The following APBB2 variants were observed in gnomAD, a reference collection of about 807,000 sequenced individuals.
APBB2 encodes Fe65-like 1.
A neutral mutation model predicts 82.5 loss-of-function variants in APBB2; 38 were observed. That is an observed-to-expected ratio of 0.46 (90% CI 0.36 to 0.60). The LOEUF (loss-of-function observed/expected upper bound fraction) is 0.60, where lower values mean the gene tolerates loss of function less well. APBB2 is among the 20% of genes least tolerant of loss of function. The probability of loss-of-function intolerance (pLI) is 0.00; values close to 1 mark genes in which losing one functional copy is unlikely to be tolerated. For missense variants in APBB2, 772 were observed against 972.3 expected (o/e 0.79, Z 2.74); for synonymous variants, 341 against 368.2 (o/e 0.93, Z 0.85).
chr4:40,869,135 T>C (rs913105086), intron 12 of APBB2, among the ~76,000 whole-genome samples: 1 of 152,138 alleles, frequency 6.6e-6, no homozygotes, highest in Non-Finnish European at 1.5e-5. Flanking sequence ...TTCAAGTGAT[T>C]CTCCTGCCTC....
intron 1 of APBB2, among the ~76,000 whole-genome samples, chr4:41,209,647 G>A (rs138173554): frequency 6.6e-6 from 1 of 152,320 alleles, no homozygotes; most frequent in Admixed American, 6.5e-5. Flanking sequence ...CTATCTGTGT[G>A]CTCAAGAGCA....
At chr4:41,168,170 G>C (rs1767196829) in intron 1 of APBB2, among the ~76,000 whole-genome samples, 1 of 151,660 alleles carries the variant, frequency 6.6e-6, no homozygotes, top group African/African-American at 2.4e-5. Context: ...TCGGGAGGCT[G>C]AGGCAGGAGA....
chr4:41,149,478 G>A lies in APBB2; in HGVS notation c.-416-6336C>T, dbSNP rs12503863. Among the ~76,000 whole-genome samples, 1,164 of 151,866 alleles carry A rather than the reference G, an allele frequency of 7.7e-3. 33 individuals carry two copies. In the East Asian group the frequency reaches 0.11, roughly 14 times the overall value. ...ATGCAGGGGAAAGGGCTGAGGAAAGGGGGGAGAAAGAAGGAGAAGGGAAGG... is the reference window on the plus strand; with the variant it reads ...ATGCAGGGGAAAGGGCTGAGGAAAGAGGGGAGAAAGAAGGAGAAGGGAAGG... On this transcript the variant is annotated intron_variant, in intron 1 of 17. Coordinates refer to ENST00000508593, the MANE Select transcript of APBB2 (RefSeq NM_004307.2).
intron 5 of APBB2, among the ~76,000 whole-genome samples, chr4:41,027,372 T>C (rs1378217744): frequency 2.0e-3 from 54 of 27,496 alleles, no homozygotes; most frequent in African/African-American, 8.9e-3. Flanking sequence ...TACATATATA[T>C]ATATATATAT....
chr4:40,969,081 C>A (rs2154397332), intron 6 of APBB2, among the ~76,000 whole-genome samples: 1 of 152,362 alleles, frequency 6.6e-6, no homozygotes, highest in African/African-American at 2.4e-5. Context: ...CCACATGGAA[C>A]TGTGAGTCCA....
intron 7 of APBB2, among the ~76,000 whole-genome samples, chr4:40,941,852 C>T (rs1311998232): frequency 6.6e-6 from 1 of 151,916 alleles, no homozygotes; most frequent in Non-Finnish European, 1.5e-5. Context: ...GTCCAGGCTG[C>T]TCCTCAACTC....
chr4:41,034,818 G>A (rs1379415037), intron 4 of APBB2, among the ~76,000 whole-genome samples: 1 of 152,216 alleles, frequency 6.6e-6, no homozygotes, highest in East Asian at 1.9e-4. Flanking sequence ...ATACTGGTAA[G>A]CTGCCAGTTT....
intron 2 of APBB2, among the ~76,000 whole-genome samples, chr4:41,142,735 T>C (rs1443711973): frequency 1.3e-5 from 2 of 151,960 alleles, no homozygotes; most frequent in African/African-American, 4.8e-5. Flanking sequence ...CTCTCTTCTC[T>C]GAGAGAGGAG....
At chr4:41,093,681 C>T (rs1742543006) in intron 3 of APBB2, among the ~76,000 whole-genome samples, 1 of 152,066 alleles carries the variant, frequency 6.6e-6, no homozygotes, top group African/African-American at 2.4e-5. Flanking sequence ...TGGAGAAACC[C>T]CCACTTCTAC....
chr4:40,995,318 T>C (rs994213813), intron 6 of APBB2, among the ~76,000 whole-genome samples: 7 of 152,120 alleles, frequency 4.6e-5, no homozygotes, highest in Admixed American at 2.0e-4. Context: ...TTGGCTCCAG[T>C]GTTTCTTATT....
chr4:40,895,182 GAAAA>G (rs943705899), intron 10 of APBB2, among the ~76,000 whole-genome samples: 3 of 148,972 alleles, frequency 2.0e-5, no homozygotes, highest in Admixed American at 2.0e-4. Flanking sequence ...TGTCAAAGGG[GAAAA>G]AAAAAACTCA....
chr4:40,880,406 C>T (rs75492733), intron 12 of APBB2: 10,894 of 985,392 alleles, frequency 0.011, 60 homozygotes, highest in Middle Eastern at 0.012. Context: ...GGTGACAACT[C>T]GTGTATGAAA....
intron 12 of APBB2, among the ~76,000 whole-genome samples, chr4:40,877,161 A>G (rs1767134865): frequency 6.6e-6 from 1 of 152,246 alleles, no homozygotes; most frequent in African/African-American, 2.4e-5. Context: ...GGGAGAATAA[A>G]TAGAAAGAAC....
chr4:40,904,058 A>G (rs1578314971), intron 10 of APBB2, among the ~76,000 whole-genome samples: 1 of 152,090 alleles, frequency 6.6e-6, no homozygotes, highest in Admixed American at 6.5e-5. Flanking sequence ...TCTCCTAGTT[A>G]CTGTAGCCAG....
At chr4:40,967,561 G>A (rs1263302934) in intron 6 of APBB2, among the ~76,000 whole-genome samples, 1 of 152,194 alleles carries the variant, frequency 6.6e-6, no homozygotes, top group Non-Finnish European at 1.5e-5. Context: ...CTCACAGGGA[G>A]CCAGTACCCA....
At chr4:40,898,329 C>T (rs996257641) in intron 10 of APBB2, among the ~76,000 whole-genome samples, 2 of 152,114 alleles carry the variant, frequency 1.3e-5, no homozygotes, top group African/African-American at 4.8e-5. Context: ...AGTGGCGTGG[C>T]GTCAGCTCAC....
chr4:40,857,008 C>T, intron 12 of APBB2: 1 of 985,584 alleles, frequency 1.0e-6, no homozygotes, highest in Non-Finnish European at 1.2e-6. Flanking sequence ...AGAGCCGTTC[C>T]TTCGCCAACT....
At chr4:41,139,785 C>G (rs1399376672) in intron 2 of APBB2, among the ~76,000 whole-genome samples, 1 of 152,022 alleles carries the variant, frequency 6.6e-6, no homozygotes, top group Non-Finnish European at 1.5e-5. Flanking sequence ...GTAGAACATG[C>G]AATTCTTTTA....
chr4:41,158,633 G>T (rs1337260104), intron 1 of APBB2, among the ~76,000 whole-genome samples: 1 of 152,224 alleles, frequency 6.6e-6, no homozygotes, highest in Non-Finnish European at 1.5e-5. Context: ...AGGAGGATGG[G>T]AATAGTTCAA....
Sources: allele counts gnomAD v4.1 joint callset (sites outside exome capture counted in the v4.1 genomes callset), GRCh38; gene constraint gnomAD v4.1.1; transcripts MANE v1.5; gene names NCBI Gene and HGNC (gene_info 2026-07-23, HGNC 2026-07-21).